Variants in STPG2 observed in about 807,000 individuals in gnomAD.
The protein encoded by STPG2 is sperm-tail PG-rich repeat-containing protein 2.
STPG2 carries 56 observed loss-of-function variants against 54.2 expected under a neutral mutation model. The ratio of observed to expected loss-of-function variants is 1.03; its 90% CI spans 0.83 to 1.29. The LOEUF (loss-of-function observed/expected upper bound fraction) is 1.29, where lower values mean the gene tolerates loss of function less well. Ranked by LOEUF, STPG2 falls within the 50% of genes most tolerant of loss-of-function variation. STPG2 has a pLI of 0.00. For missense variants in STPG2, 596 were observed against 544.9 expected (o/e 1.09, Z -0.93); for synonymous variants, 200 against 181.8 (o/e 1.10, Z -0.81).
At chr4:97,952,321 C>A (rs1733503313) in intron 7 of STPG2, among the ~76,000 whole-genome samples, 1 of 152,138 alleles carries the variant, frequency 6.6e-6, no homozygotes, top group African/African-American at 2.4e-5. Flanking sequence ...AGCACCAGAG[C>A]TGCCTGACTG....
chr4:97,550,542 T>C (rs1023103571), intron 4 of STPG2, among the ~76,000 whole-genome samples: 1 of 152,180 alleles, frequency 6.6e-6, no homozygotes. Context: ...CTACCTTGTA[T>C]GGAATATTAT....
intron 9 of STPG2, among the ~76,000 whole-genome samples, chr4:97,723,388 G>A (rs1362741000): frequency 6.6e-6 from 1 of 152,006 alleles, no homozygotes; most frequent in African/African-American, 2.4e-5. Flanking sequence ...TCACTATTGG[G>A]ATGACGGATT....
At chr4:97,627,718 T>C (rs929085212) in intron 10 of STPG2, among the ~76,000 whole-genome samples, 1 of 152,188 alleles carries the variant, frequency 6.6e-6, no homozygotes, top group Non-Finnish European at 1.5e-5. Flanking sequence ...GGCATTAATC[T>C]GAGTTCCACA....
At chr4:97,975,829 T>C (rs937808858) in intron 6 of STPG2, among the ~76,000 whole-genome samples, 2 of 152,284 alleles carry the variant, frequency 1.3e-5, no homozygotes, top group Admixed American at 1.3e-4. Flanking sequence ...ATCTACAAGA[T>C]AAGGGGTTTA....
At position 97,747,877 on chromosome 4, in the gene STPG2, T is replaced by A. The variant is rs1725467885; in HGVS notation, c.1205-35063A>T. Among the ~76,000 whole-genome samples, 2 of 151,474 alleles carry A rather than the reference T, an allele frequency of 1.3e-5. 1 individual carries two copies. Among genetic ancestry groups the A allele is most frequent in the Admixed American group, 1.3e-4 (2 of 15,130 alleles). The stretch of plus-strand genomic sequence containing the variant: ...TCAGACGTTTGAATATCCAAGTGGA[T>A]GACCTTTGATGTGTTCTGTTTAATA... On this transcript the variant is annotated intron_variant, in intron 9 of 10. Transcript: ENST00000295268.
At chr4:97,747,492 T>C (rs1462827455) in intron 9 of STPG2, among the ~76,000 whole-genome samples, 1 of 151,388 alleles carries the variant, frequency 6.6e-6, no homozygotes, top group Admixed American at 6.6e-5. Context: ...TGTGCCTTCC[T>C]TTACATCCTT....
At chr4:97,965,279 G>T (rs1266641901) in intron 7 of STPG2, among the ~76,000 whole-genome samples, 1 of 152,212 alleles carries the variant, frequency 6.6e-6, no homozygotes, top group Non-Finnish European at 1.5e-5. Context: ...GCTGCAGCCA[G>T]CCAGGGGGAG....
intron 8 of STPG2, among the ~76,000 whole-genome samples, chr4:97,933,274 G>A (rs774578286): frequency 2.8e-4 from 42 of 152,146 alleles, no homozygotes; most frequent in Non-Finnish European, 5.1e-4. Flanking sequence ...ACCTTTGTCA[G>A]GCGGGTAGAT....
chr4:98,000,285 T>C (rs1735374354), intron 5 of STPG2, among the ~76,000 whole-genome samples: 1 of 152,132 alleles, frequency 6.6e-6, no homozygotes, highest in African/African-American at 2.4e-5. Flanking sequence ...AAAAACAAAC[T>C]TATAAGCAAC....
At chr4:97,919,402 A>G (rs1291023410) in intron 8 of STPG2, among the ~76,000 whole-genome samples, 4 of 151,640 alleles carry the variant, frequency 2.6e-5, no homozygotes, top group Non-Finnish European at 5.9e-5. Context: ...CTTTAAAAAG[A>G]GTATAAATAT....
At chr4:97,875,642 A>G (rs1405565004) in intron 8 of STPG2, among the ~76,000 whole-genome samples, 1 of 152,036 alleles carries the variant, frequency 6.6e-6, no homozygotes. Flanking sequence ...ATTAGAACAT[A>G]GCAAGGTCAT....
At chr4:97,514,018 G>A (rs1316559324) in intron 4 of STPG2, among the ~76,000 whole-genome samples, 2 of 152,092 alleles carry the variant, frequency 1.3e-5, no homozygotes, top group African/African-American at 4.8e-5. Context: ...TTTGGATTTT[G>A]CATTTAGGAA....
chr4:97,779,157 C>A (rs1200375553), intron 9 of STPG2, among the ~76,000 whole-genome samples: 1 of 152,060 alleles, frequency 6.6e-6, no homozygotes, highest in Non-Finnish European at 1.5e-5. Flanking sequence ...AAAGTCGAAC[C>A]CAACCCAAAG....
intron 10 of STPG2, among the ~76,000 whole-genome samples, chr4:97,574,299 T>C (rs1232059180): frequency 6.6e-6 from 1 of 152,120 alleles, no homozygotes; most frequent in Non-Finnish European, 1.5e-5. Context: ...ATTGCAAGGT[T>C]CATGGCTGAC....
At chr4:97,457,037 GA>G (rs1414239427) in intron 4 of STPG2, among the ~76,000 whole-genome samples, 2 of 151,688 alleles carry the variant, frequency 1.3e-5, no homozygotes, top group Non-Finnish European at 2.9e-5. Flanking sequence ...AATTGCAAAT[GA>G]AAACAATAGT....
At chr4:97,850,108 C>G (rs947085198) in intron 8 of STPG2, among the ~76,000 whole-genome samples, 1 of 150,896 alleles carries the variant, frequency 6.6e-6, no homozygotes, top group Non-Finnish European at 1.5e-5. Context: ...ATGATGAGTT[C>G]ATGTCCTTTG....
intron 5 of STPG2, among the ~76,000 whole-genome samples, chr4:98,061,968 A>G (rs1318254177): frequency 6.6e-6 from 1 of 152,212 alleles, no homozygotes; most frequent in African/African-American, 2.4e-5. Flanking sequence ...AGGAATATAA[A>G]TGATTCTACC....
chr4:98,029,185 T>C (rs566462836), intron 5 of STPG2, among the ~76,000 whole-genome samples: 1 of 152,184 alleles, frequency 6.6e-6, no homozygotes, highest in Non-Finnish European at 1.5e-5. Flanking sequence ...GCATGTTCTA[T>C]AAGTGCTTAT....
At position 97,502,540 on chromosome 4, in the gene STPG2, T is replaced by G. The variant is rs576716167; in HGVS notation, c.462+210159A>C. 7.2e-5 allele frequency among the ~76,000 whole-genome samples: 11 copies of G among 152,094 alleles called. No individual in the cohort carries two copies. In the South Asian group the frequency reaches 2.3e-3, roughly 32 times the overall value. ...GAGTATGCATGGGTGCTTGGATGGC[T>G]AAAAAGCAAACTAGTATTTAAATCC... is the stretch of plus-strand genomic sequence containing the variant. On this transcript the variant is annotated intron_variant, in intron 4 of 4. Coordinates refer to the STPG2 transcript ENST00000522676.
Sources: gnomAD v4.1 joint callset for allele counts (sites outside exome capture counted in the v4.1 genomes callset) on GRCh38, gnomAD v4.1.1 for gene constraint, MANE v1.5 for transcripts, NCBI Gene and HGNC (gene_info 2026-07-23, HGNC 2026-07-21) for gene names.